DMD: variants seen among roughly 807,000 people sequenced by gnomAD.
DMD encodes mutant dystrophin.
A neutral mutation model predicts 330.1 loss-of-function variants in DMD; 63 were observed. The ratio of observed to expected loss-of-function variants is 0.19; its 90% CI spans 0.16 to 0.24. DMD has a LOEUF of 0.24. Among genes scored for constraint, DMD ranks in the 10% least tolerant of loss-of-function variants. The probability of loss-of-function intolerance (pLI) is 1.00; values close to 1 mark genes in which losing one functional copy is unlikely to be tolerated. For missense variants in DMD, 3,344 were observed against 2,684.1 expected (o/e 1.25, Z -5.43); for synonymous variants, 1,223 against 959.8 (o/e 1.27, Z -5.07).
intron 1 of DMD, among the ~76,000 whole-genome samples, chrX:33,136,845 T>A (rs1320155414): frequency 9.0e-6 from 1 of 110,783 alleles, no homozygotes; most frequent in Non-Finnish European, 1.9e-5. Flanking sequence ...CCAATTGAAC[T>A]AAGACAATTA....
At chrX:32,045,911 T>C (rs2096061351) in intron 44 of DMD, among the ~76,000 whole-genome samples, 1 of 112,566 alleles carries the variant, frequency 8.9e-6, no homozygotes, top group African/African-American at 3.2e-5. Flanking sequence ...CAATTGATGA[T>C]CATGTGGATA....
intron 55 of DMD, among the ~76,000 whole-genome samples, chrX:31,517,764 A>G (rs1436777224): frequency 9.0e-6 from 1 of 111,518 alleles, no homozygotes. Context: ...AAATAGCTGC[A>G]TGTGTGATTT....
chrX:31,144,241 C>T (rs1368858669), intron 76 of DMD, among the ~76,000 whole-genome samples: 1 of 111,273 alleles, frequency 9.0e-6, no homozygotes, highest in Non-Finnish European at 1.9e-5. Flanking sequence ...CTCCTCAGAG[C>T]CCTCGTCCAT....
At chrX:31,319,188 T>C (rs1225946650) in intron 62 of DMD, among the ~76,000 whole-genome samples, 1 of 111,342 alleles carries the variant, frequency 9.0e-6, no homozygotes, top group African/African-American at 3.3e-5. Flanking sequence ...AAAGAAGATA[T>C]AACAGAGCTG....
chrX:32,514,916 G>GA lies in DMD; in HGVS notation c.2292+3091dup, dbSNP rs200434071. The stretch of plus-strand genomic sequence containing the variant: ...CTAAGAATGAAAGAACAAATTGGTT[G>GA]AAAAAATCTACTAACCTAGTGCCAA... On this transcript the variant is annotated intron_variant, in intron 18 of 78. Transcript: ENST00000357033. Among the ~76,000 whole-genome samples, 838 of 111,821 alleles carry GA rather than the reference G, an allele frequency of 7.5e-3. 4 individuals carry two copies. Among genetic ancestry groups the GA allele is most frequent in the African/African-American group, 0.026 (784 of 30,675 alleles).
rs1487496892 is a variant in DMD at position 31,576,120 on chromosome X, T to C, written c.8217+51553A>G. ...ACCCAGCTTCTCCCAATGATAGCATTTTAAATACCCATAGTACATTATCAT... is the reference window on the plus strand; with the variant it reads ...ACCCAGCTTCTCCCAATGATAGCATCTTAAATACCCATAGTACATTATCAT... On this transcript the variant is annotated intron_variant, in intron 55 of 78. Transcript: ENST00000357033. Among the ~76,000 whole-genome samples, 3 of 112,129 alleles carry C rather than the reference T, an allele frequency of 2.7e-5. No homozygotes were observed. The Admixed American group carries it at 2.8e-4, about 11-fold the overall frequency.
chrX:32,348,590 A>C, intron 37 of DMD, 62 bp from the exon 38 acceptor site: 1 of 1,007,591 alleles, frequency 9.9e-7, no homozygotes, highest in Non-Finnish European at 1.4e-6. Flanking sequence ...CATAAACCAA[A>C]AGAAATACAT....
At chrX:31,229,717 A>G (rs191023218) in intron 63 of DMD, among the ~76,000 whole-genome samples, 65 of 111,771 alleles carry the variant, frequency 5.8e-4, no homozygotes, top group Non-Finnish European at 1.1e-3. Context: ...CTATTTTACT[A>G]ATTTTCCAAA....
intron 59 of DMD, among the ~76,000 whole-genome samples, chrX:31,470,609 G>C (rs781104402): frequency 4.5e-5 from 5 of 112,270 alleles, no homozygotes; most frequent in Non-Finnish European, 9.4e-5. Flanking sequence ...GTGTCTCCCA[G>C]TCAGGAGGCA....
intron 2 of DMD, among the ~76,000 whole-genome samples, chrX:32,928,641 A>G (rs1230182369): frequency 8.9e-6 from 1 of 112,042 alleles, no homozygotes; most frequent in Non-Finnish European, 1.9e-5. Flanking sequence ...TTTGTCTTCT[A>G]AACAGTATTA....
At position 32,427,686 on chromosome X, in the gene DMD, C is replaced by A. The variant is rs899278857; in HGVS notation, c.4071+10555G>T. Among the ~76,000 whole-genome samples, 3 of 109,525 alleles carry A rather than the reference C, an allele frequency of 2.7e-5. No homozygotes were observed. In the Admixed American group the frequency reaches 2.9e-4, roughly 11 times the overall value. ...CATGTATATTGCCTTGTATGTTCTA[C>A]TGAGTTTGTTGATGACTGGAATTAT... On this transcript the variant is annotated intron_variant, in intron 29 of 78. Transcript: ENST00000357033.
chrX:32,633,512 C>CTTCT (rs2058885076), intron 11 of DMD, among the ~76,000 whole-genome samples: 1 of 112,126 alleles, frequency 8.9e-6, no homozygotes, highest in Non-Finnish European at 1.9e-5. Flanking sequence ...ACTCATCCAA[C>CTTCT]TTCTGTCTGT....
intron 62 of DMD, among the ~76,000 whole-genome samples, chrX:31,285,356 C>T (rs1317896063): frequency 8.9e-6 from 1 of 112,003 alleles, no homozygotes; most frequent in Non-Finnish European, 1.9e-5. Flanking sequence ...CATGGAGGTG[C>T]CATTCTGAGA....
intron 62 of DMD, among the ~76,000 whole-genome samples, chrX:31,276,589 C>T (rs1483286552): frequency 8.9e-6 from 1 of 111,755 alleles, no homozygotes; most frequent in African/African-American, 3.3e-5. Context: ...AAATTCTACC[C>T]CTTGATATAG....
intron 1 of DMD, among the ~76,000 whole-genome samples, chrX:33,108,809 T>C (rs1448683249): frequency 1.1e-5 from 1 of 89,349 alleles, no homozygotes; most frequent in Non-Finnish European, 2.1e-5. Flanking sequence ...GAGGTTGCAG[T>C]GAGCCGAGAT....
chrX:31,963,101 A>AAGCG (rs1050482356), intron 45 of DMD, among the ~76,000 whole-genome samples: 4 of 112,091 alleles, frequency 3.6e-5, no homozygotes, highest in Non-Finnish European at 7.5e-5. Flanking sequence ...TCTTACAAGG[A>AAGCG]AGCGCATAGA....
At chrX:32,071,514 G>C (rs1481416797) in intron 44 of DMD, among the ~76,000 whole-genome samples, 7 of 85,780 alleles carry the variant, frequency 8.2e-5, no homozygotes, top group Non-Finnish European at 1.6e-4. Context: ...GTTGTGGGGT[G>C]GGGGGAGGGG....
intron 61 of DMD, among the ~76,000 whole-genome samples, chrX:31,335,059 CTTTA>C (rs2057346260): frequency 8.9e-6 from 1 of 112,148 alleles, no homozygotes; most frequent in Non-Finnish European, 1.9e-5. Flanking sequence ...CTTTAGCCTG[CTTTA>C]TTCTTTGTTT....
chrX:33,117,131 G>A (rs765256372), intron 1 of DMD, among the ~76,000 whole-genome samples: 1 of 110,360 alleles, frequency 9.1e-6, no homozygotes, highest in African/African-American at 3.3e-5. Context: ...AATTAAACTT[G>A]TTTTTCAAAA....
Sources: gnomAD v4.1 joint callset for allele counts (sites outside exome capture counted in the v4.1 genomes callset) on GRCh38, gnomAD v4.1.1 for gene constraint, MANE v1.5 for transcripts, NCBI Gene and HGNC (gene_info 2026-07-23, HGNC 2026-07-21) for gene names.